Variants in PIAS1 observed in about 807,000 individuals in gnomAD.
PIAS1 encodes the protein protein inhibitor of activated STAT 1.
A neutral mutation model predicts 71.3 loss-of-function variants in PIAS1; 6 were observed. The ratio of observed to expected loss-of-function variants is 0.08; its 90% CI spans 0.05 to 0.17. PIAS1 has a LOEUF of 0.17. PIAS1 is among the 10% of genes least tolerant of loss of function. The pLI, the probability that PIAS1 is intolerant of heterozygous loss-of-function variation, is 1.00. For synonymous variants in PIAS1, 303 were observed against 292.9 expected, an observed-to-expected ratio of 1.03 and a Z score of -0.35; for missense variants, 555 against 793.6, an observed-to-expected ratio of 0.70 and a Z score of 3.61.
chr15:68,164,862 TTAAG>T lies in PIAS1; in HGVS notation c.1008+61_1008+64del, dbSNP rs540153202. On this transcript the variant is annotated intron_variant, in intron 8 of 13. Transcript: ENST00000249636. ...GTTTAACATACATTTTCTCTTTTTA[TTAAG>T]TATTTTTACTATTTGAGAAATTCTG... The T allele has an allele frequency of 6.0e-5, 54 of 895,494 alleles. No homozygotes were observed. The African/African-American group carries it at 7.7e-4, about 13-fold the overall frequency. 55.5% of individuals were successfully genotyped at this position (895,494 alleles called of 1,614,324 possible).
intron 6 of PIAS1, among the ~76,000 whole-genome samples, 159 bp from the exon 7 acceptor site, chr15:68,153,431 G>A (rs2092863346): frequency 6.6e-6 from 1 of 152,122 alleles, no homozygotes; most frequent in African/African-American, 2.4e-5. Context: ...TTTTGGTCAG[G>A]ATTAAATGAA....
intron 1 of PIAS1, among the ~76,000 whole-genome samples, chr15:68,065,736 CTTTTTTTTT>C (rs35947814): frequency 9.0e-5 from 9 of 99,572 alleles, no homozygotes; most frequent in African/African-American, 4.1e-5. Flanking sequence ...GCTTGAAGTA[CTTTTTTTTT>C]TTTTTTTTTT....
chr15:68,102,201 C>A (rs748324727), intron 2 of PIAS1, among the ~76,000 whole-genome samples: 5 of 152,126 alleles, frequency 3.3e-5, no homozygotes, highest in Non-Finnish European at 7.4e-5. Context: ...TGTTCTTAGA[C>A]CCCTGTTGCA....
At chr15:68,156,178 A>G (rs1430394945) in intron 7 of PIAS1, among the ~76,000 whole-genome samples, 1 of 152,242 alleles carries the variant, frequency 6.6e-6, no homozygotes, top group Non-Finnish European at 1.5e-5. Context: ...AGAAGTTTGC[A>G]GTCTGGTAAG....
At chr15:68,182,952 T>G (rs2093064804) in intron 12 of PIAS1, among the ~76,000 whole-genome samples, 1 of 152,220 alleles carries the variant, frequency 6.6e-6, no homozygotes. Context: ...TAATGAAGCA[T>G]TTAATTCATG....
At chr15:68,168,771 G>A (rs1203132047) in intron 8 of PIAS1, among the ~76,000 whole-genome samples, 7 of 152,118 alleles carry the variant, frequency 4.6e-5, no homozygotes, top group South Asian at 2.1e-4. Flanking sequence ...ATTTGAAAGC[G>A]AGCTTTTGCT....
Position 68,190,583 on chromosome 15 carries a change from C to T in PIAS1, c.*2748C>T, listed in dbSNP as rs1366435472. 1.3e-5 allele frequency: 2 copies of T among 152,084 alleles called. No homozygotes were observed. The highest frequency in any genetic ancestry group is 2.9e-5 in the Non-Finnish European group (2 of 68,034). 9.4% of individuals were successfully genotyped at this position (152,084 alleles called of 1,614,324 possible). On this transcript the variant is annotated 3_prime_UTR_variant, in exon 14 of 14. Transcript: ENST00000249636. The surrounding 1 kb of genome is among the most constrained non-coding windows in gnomAD (Gnocchi z 4.7). ...GAATCTAGTCAAGTTGCCATCATCCCCCTTGCCTTGGCCGTTCATAGTAGG... is the reference window on the plus strand; with the variant it reads ...GAATCTAGTCAAGTTGCCATCATCCTCCTTGCCTTGGCCGTTCATAGTAGG...
rs1351287988 is a variant in PIAS1 at position 68,171,699 on chromosome 15, T to C, written c.1009-2033T>C. On this transcript the variant is annotated intron_variant, in intron 8 of 13. Coordinates refer to ENST00000249636, the MANE Select transcript of PIAS1 (RefSeq NM_016166.3). The surrounding 1 kb of genome is among the most constrained non-coding windows in gnomAD (Gnocchi z 4.4). ...GGAAATAGTGTTAATTTAGAGAAAG[T>C]AAAAGAGGCCCAGAAAGGCTAAATG... Among the ~76,000 whole-genome samples, 1 of 152,090 alleles carries C rather than the reference T, an allele frequency of 6.6e-6. No homozygotes were observed. Among genetic ancestry groups the C allele is most frequent in the Non-Finnish European group, 1.5e-5 (1 of 67,998 alleles).
Position 68,191,620 on chromosome 15 carries a change from T to C in PIAS1, c.*3785T>C, listed in dbSNP as rs1408347394. 1 of 152,674 alleles carries C rather than the reference T, an allele frequency of 6.5e-6. No individual in the cohort carries two copies. Among genetic ancestry groups the C allele is most frequent in the Non-Finnish European group, 1.5e-5 (1 of 68,050 alleles). 9.5% of individuals were successfully genotyped at this position (152,674 alleles called of 1,614,324 possible). A position where few individuals can be genotyped will look rare whatever the true frequency, so the allele number is the denominator to read the frequency against. Reference sequence around the variant, plus strand: ...TTCTTGCAGCATGCTTTGAGGTAAGTAATGAATATAGCCATCATTTCCCTT... The same window carrying C: ...TTCTTGCAGCATGCTTTGAGGTAAGCAATGAATATAGCCATCATTTCCCTT... On this transcript the variant is annotated 3_prime_UTR_variant, in exon 14 of 14. Coordinates refer to ENST00000249636, the MANE Select transcript of PIAS1 (RefSeq NM_016166.3).
chr15:68,141,986 A>C lies in PIAS1; in HGVS notation c.510A>C (p.Ala170=), dbSNP rs1187875448. 6.2e-7 allele frequency: 1 copy of C among 1,605,200 alleles called. No individual in the cohort carries two copies. The highest frequency in any genetic ancestry group is 8.5e-7 in the Non-Finnish European group (1 of 1,175,400). The change falls in exon 3 of 14, where the codon GCA becomes GCC. Residue 170 remains alanine (A), a synonymous_variant. Coordinates refer to ENST00000249636, the MANE Select transcript of PIAS1 (RefSeq NM_016166.3). ...AGCGCTTTCGAGAAACCTGTTTTGC[A>C]TTTGCCTTGACACCACAACAAGTGC... ...NSQRFRETCF[A]FALTPQQVQQ...
intron 2 of PIAS1, among the ~76,000 whole-genome samples, chr15:68,119,791 ATTTG>A (rs967994278): frequency 3.9e-5 from 6 of 152,090 alleles, no homozygotes; most frequent in African/African-American, 1.4e-4. Context: ...ATAATTGTGG[ATTTG>A]TTTATTTCTC....
chr15:68,115,920 A>G (rs78589232), intron 2 of PIAS1, among the ~76,000 whole-genome samples: 4,408 of 151,932 alleles, frequency 0.029, 242 homozygotes, highest in African/African-American at 0.1. Flanking sequence ...ATATGGTTGG[A>G]TTTTATTTGC....
chr15:68,055,291 C>A, intron 1 of PIAS1: 1 of 816,094 alleles, frequency 1.2e-6, no homozygotes, highest in Non-Finnish European at 1.5e-6. Flanking sequence ...ATCTTGCTGG[C>A]CATGTTGATT....
chr15:68,062,566 C>T (rs1482694321), intron 1 of PIAS1, among the ~76,000 whole-genome samples: 1 of 152,192 alleles, frequency 6.6e-6, no homozygotes, highest in Non-Finnish European at 1.5e-5. Flanking sequence ...GACTGATAAT[C>T]TATTTTGAGT....
At chr15:68,147,379 A>G (rs182378566) in intron 6 of PIAS1, among the ~76,000 whole-genome samples, 31 of 152,234 alleles carry the variant, frequency 2.0e-4, no homozygotes, top group Admixed American at 1.9e-3. Flanking sequence ...ATTTGTGATT[A>G]CATTTTAAAA....
At chr15:68,073,218 T>C (rs1023118785) in intron 1 of PIAS1, among the ~76,000 whole-genome samples, 2 of 152,082 alleles carry the variant, frequency 1.3e-5, no homozygotes, top group African/African-American at 2.4e-5. Flanking sequence ...GGGGTTTCAC[T>C]GTATTAGCCA....
At chr15:68,142,265 G>A (rs1303021468) in intron 3 of PIAS1, 25 bp from the exon 4 acceptor site, 2 of 1,578,368 alleles carry the variant, frequency 1.3e-6, no homozygotes, top group Admixed American at 3.4e-5. Flanking sequence ...AAAAGTAATT[G>A]TAATTCCTAT....
chr15:68,112,626 GGT>G (rs2092531915), intron 2 of PIAS1, among the ~76,000 whole-genome samples: 1 of 152,022 alleles, frequency 6.6e-6, no homozygotes, highest in Non-Finnish European at 1.5e-5. Flanking sequence ...GGCCAATAAG[GGT>G]ATGAAAAGTA....
chr15:68,074,662 T>C (rs1323127894), intron 1 of PIAS1, among the ~76,000 whole-genome samples: 1 of 152,204 alleles, frequency 6.6e-6, no homozygotes. Context: ...AAGACTTTTT[T>C]TATAAAACCA....
Sources: allele counts gnomAD v4.1 joint callset (sites outside exome capture counted in the v4.1 genomes callset), GRCh38; gene constraint gnomAD v4.1.1; non-coding constraint Gnocchi (gnomAD v3.1); transcripts MANE v1.5; gene names NCBI Gene and HGNC (gene_info 2026-07-23, HGNC 2026-07-21).